The following CACNA2D1 variants were observed in gnomAD, a reference collection of about 807,000 sequenced individuals.
The protein encoded by CACNA2D1 is voltage-dependent calcium channel subunit alpha-2/delta-1.
A neutral mutation model predicts 171.5 loss-of-function variants in CACNA2D1; 53 were observed. That is an observed-to-expected ratio of 0.31 (90% CI 0.25 to 0.39). The LOEUF (loss-of-function observed/expected upper bound fraction) is 0.39. Ranked by LOEUF, CACNA2D1 falls within the 10% of genes least tolerant of loss-of-function variation. CACNA2D1 has a pLI of 1.00. For missense variants in CACNA2D1, 903 were observed against 1,299.8 expected (o/e 0.69, Z 4.69); for synonymous variants, 442 against 443.1 (o/e 1.00, Z 0.03).
At chr7:82,191,797 T>C (rs1233701344) in intron 3 of CACNA2D1, among the ~76,000 whole-genome samples, 1 of 151,290 alleles carries the variant, frequency 6.6e-6, no homozygotes, top group African/African-American at 2.4e-5. Flanking sequence ...ATAAAGTAAA[T>C]CAAAAAAAGA....
At chr7:81,975,584 T>C (rs1350386504) in intron 24 of CACNA2D1, among the ~76,000 whole-genome samples, 13 of 152,162 alleles carry the variant, frequency 8.5e-5, no homozygotes, top group South Asian at 2.1e-4. Flanking sequence ...ACATGGAATC[T>C]GAAACAATAT....
chr7:82,341,350 A>C (rs1818603861), intron 2 of CACNA2D1, among the ~76,000 whole-genome samples: 1 of 152,168 alleles, frequency 6.6e-6, no homozygotes, highest in Non-Finnish European at 1.5e-5. Context: ...CCTTCACCTA[A>C]GGTAAAGAGT....
intron 38 of CACNA2D1, among the ~76,000 whole-genome samples, chr7:81,955,976 ATATATTT>A (rs1793258561): frequency 1.4e-5 from 1 of 73,604 alleles, no homozygotes; most frequent in Non-Finnish European, 2.5e-5. Flanking sequence ...ATATATATAT[ATATATTT>A]TTTTTTTTTT....
chr7:82,038,121 C>G lies in CACNA2D1; in HGVS notation c.994G>C (p.Asp332His). Reference protein sequence around the residue: ...VNNITAKGITDYKKGFSFAFE... With the variant: ...VNNITAKGITHYKKGFSFAFE... The stretch of plus-strand genomic sequence containing the variant: ...GCAAAACTAAAGCCCTTCTTATAAT[C>G]TGTAATTCCTTTGGCTGTGATATTA... The change falls in exon 11 of 39, where the codon GAT becomes CAT. Residue 332 changes from aspartate to histidine, a missense_variant. This residue lies in a region of CACNA2D1 where 623 missense variants were observed against 925.5 expected (regional missense o/e 0.67). Transcript: ENST00000356860. 1 of 1,613,756 alleles carries G rather than the reference C, an allele frequency of 6.2e-7. No individual in the cohort carries two copies.
At chr7:82,026,228 TC>T (rs1801889230) in intron 12 of CACNA2D1, among the ~76,000 whole-genome samples, 1 of 151,630 alleles carries the variant, frequency 6.6e-6, no homozygotes, top group Admixed American at 6.6e-5. Flanking sequence ...TTGTTTTTTA[TC>T]CATTCAGCCA....
intron 4 of CACNA2D1, among the ~76,000 whole-genome samples, chr7:82,154,880 C>G (rs1237241967): frequency 6.6e-6 from 1 of 152,170 alleles, no homozygotes; most frequent in East Asian, 1.9e-4. Context: ...ATCTACGTCC[C>G]CACCCAAGTC....
chr7:81,960,359 G>T (rs1375388298), intron 36 of CACNA2D1, among the ~76,000 whole-genome samples: 1 of 152,018 alleles, frequency 6.6e-6, no homozygotes, highest in Admixed American at 6.6e-5. Flanking sequence ...CTTAAAATGT[G>T]ACAAGTGTGA....
intron 1 of CACNA2D1, among the ~76,000 whole-genome samples, chr7:82,383,375 T>C (rs1265762500): frequency 1.3e-5 from 2 of 152,166 alleles, no homozygotes; most frequent in African/African-American, 2.4e-5. Context: ...CAATTATTCA[T>C]ATTCAGCCCT....
intron 7 of CACNA2D1, among the ~76,000 whole-genome samples, chr7:82,080,933 A>G (rs147664797): frequency 6.6e-6 from 1 of 152,308 alleles, no homozygotes; most frequent in East Asian, 1.9e-4. Flanking sequence ...ACTGTTTCCT[A>G]TTTTCAAAGT....
intron 3 of CACNA2D1, among the ~76,000 whole-genome samples, chr7:82,210,308 ATATGT>A (rs1800428991): frequency 6.6e-6 from 1 of 152,146 alleles, no homozygotes; most frequent in South Asian, 2.1e-4. Flanking sequence ...TATTGGTCTG[ATATGT>A]TATGAATGTA....
chr7:82,031,331 AAGATATGC>A, intron 12 of CACNA2D1, among the ~76,000 whole-genome samples: 1 of 151,922 alleles, frequency 6.6e-6, no homozygotes, highest in Non-Finnish European at 1.5e-5. Context: ...TTATTAAATA[AAGATATGC>A]ACATATTAGT....
chr7:82,417,987 G>A (rs962696527), intron 1 of CACNA2D1, among the ~76,000 whole-genome samples: 2 of 152,192 alleles, frequency 1.3e-5, no homozygotes, highest in African/African-American at 4.8e-5. Flanking sequence ...CTAAGACAAT[G>A]TATTAGACTG....
chr7:82,298,494 TAA>T (rs1812573489), intron 3 of CACNA2D1, among the ~76,000 whole-genome samples: 1 of 152,214 alleles, frequency 6.6e-6, no homozygotes, highest in African/African-American at 2.4e-5. Flanking sequence ...AACTTATGAA[TAA>T]GTTTCCTTTC....
chr7:81,974,917 C>G (rs146472193), intron 24 of CACNA2D1, among the ~76,000 whole-genome samples: 1 of 151,486 alleles, frequency 6.6e-6, no homozygotes, highest in Non-Finnish European at 1.5e-5. Context: ...CTAATGCATG[C>G]GGGGTTTAAA....
At chr7:82,313,167 A>G (rs1814685193) in intron 3 of CACNA2D1, among the ~76,000 whole-genome samples, 1 of 152,092 alleles carries the variant, frequency 6.6e-6, no homozygotes, top group Non-Finnish European at 1.5e-5. Context: ...TTCTTTGTCA[A>G]TCTATCTCAC....
intron 5 of CACNA2D1, among the ~76,000 whole-genome samples, chr7:82,134,258 T>C (rs911834721): frequency 5.3e-5 from 8 of 152,184 alleles, no homozygotes; most frequent in Non-Finnish European, 8.8e-5. Flanking sequence ...ATATTCTTTA[T>C]GTATAAGTAT....
At chr7:82,130,174 C>T (rs1360895234) in intron 5 of CACNA2D1, among the ~76,000 whole-genome samples, 3 of 152,090 alleles carry the variant, frequency 2.0e-5, no homozygotes, top group South Asian at 2.1e-4. Flanking sequence ...AATGTGTACT[C>T]GATATTGTAA....
intron 5 of CACNA2D1, among the ~76,000 whole-genome samples, chr7:82,128,362 G>T (rs777523461): frequency 6.6e-6 from 1 of 152,180 alleles, no homozygotes; most frequent in Non-Finnish European, 1.5e-5. Context: ...AAACCTGGCT[G>T]TATTTATTTT....
At chr7:82,311,541 C>CT (rs955680660) in intron 3 of CACNA2D1, among the ~76,000 whole-genome samples, 2 of 151,920 alleles carry the variant, frequency 1.3e-5, no homozygotes, top group African/African-American at 4.8e-5. Context: ...AAAAAAAAAT[C>CT]TTTTTTCTTT....
Sources: gnomAD v4.1 joint callset for allele counts (sites outside exome capture counted in the v4.1 genomes callset) on GRCh38, gnomAD v4.1.1 for gene constraint, gnomAD v4.1.1 regional missense constraint, MANE v1.5 for transcripts, NCBI Gene and HGNC (gene_info 2026-07-23, HGNC 2026-07-21) for gene names.